Variants in F2 observed in about 807,000 individuals in gnomAD.
F2 encodes the protein prothrombin.
A neutral mutation model predicts 81.9 loss-of-function variants in F2; 34 were observed. The observed-to-expected ratio is 0.42, with a 90% CI of 0.32 to 0.55. The LOEUF (loss-of-function observed/expected upper bound fraction) is 0.55. Among genes scored for constraint, F2 ranks in the 20% least tolerant of loss-of-function variants. The pLI is 0.18. For missense variants in F2, 630 were observed against 833.4 expected (o/e 0.76, Z 3.00); for synonymous variants, 296 against 326.4 (o/e 0.91, Z 1.01).
chr11:46,722,195 G>A (rs1437018002), intron 4 of F2, among the ~76,000 whole-genome samples: 3 of 152,154 alleles, frequency 2.0e-5, no homozygotes, highest in Non-Finnish European at 2.9e-5. Context: ...TTCCTGCTAC[G>A]TGCCAGGCAC....
intron 9 of F2, 46 bp from the exon 10 acceptor site, chr11:46,727,950 A>G: frequency 6.4e-7 from 1 of 1,568,814 alleles, no homozygotes. Flanking sequence ...GTGTAGAGGC[A>G]GCCCCCTCAT....
At chr11:46,735,854 G>A (rs745406299) in intron 12 of F2, among the ~76,000 whole-genome samples, 4 of 149,562 alleles carry the variant, frequency 2.7e-5, no homozygotes, top group Non-Finnish European at 5.9e-5. Context: ...CCTGGGAGAC[G>A]GAGGTTGCAG....
chr11:46,726,659 C>T lies in F2; in HGVS notation c.1003+33C>T, dbSNP rs192142540. The T allele has an allele frequency of 6.3e-7, 1 of 1,596,312 alleles. No individual in the cohort carries two copies. Reference sequence around the variant, plus strand: ...AGTGGGCATCCGAGGGGATGCGGGGCTGCGGGGCTGGTGGCCAGGACTTGC... The same window carrying T: ...AGTGGGCATCCGAGGGGATGCGGGGTTGCGGGGCTGGTGGCCAGGACTTGC... On this transcript the variant is annotated intron_variant, in intron 8 of 13. Transcript: ENST00000311907. The surrounding 1 kb of genome is among the most constrained non-coding windows in gnomAD (Gnocchi z 5.9).
Position 46,728,861 on chromosome 11 carries a change from C to T in F2, c.1472+24C>T. 1 of 1,612,160 alleles carries T rather than the reference C, an allele frequency of 6.2e-7. No individual in the cohort carries two copies. Among genetic ancestry groups the T allele is most frequent in the Non-Finnish European group, 8.5e-7 (1 of 1,179,498 alleles). On this transcript the variant is annotated intron_variant, in intron 11 of 13. Coordinates refer to ENST00000311907, the MANE Select transcript of F2 (RefSeq NM_000506.5). The surrounding 1 kb of genome is among the most constrained non-coding windows in gnomAD (Gnocchi z 5.1). ...AGGTGGGCCACCAGATGCTTGTTAG[C>T]TGAGGGGCAGAAGCCAAGTTCTGGG...
rs911589715 is a variant in F2, at chr11:46,726,530, C to G, written c.907C>G (p.Leu303Val). ...EAVEEETGDGLDEDSDRAIEG... is the reference protein window; with the variant it reads ...EAVEEETGDGVDEDSDRAIEG... ...CGTGGAGGAGGAGACAGGAGATGGGCTGGATGAGGACTCAGACAGGGCCAT... is the reference window on the plus strand; with the variant it reads ...CGTGGAGGAGGAGACAGGAGATGGGGTGGATGAGGACTCAGACAGGGCCAT... The change falls in exon 8 of 14, where the codon CTG becomes GTG. Residue 303 changes from leucine (L) to valine (V), a missense_variant. Physicochemically the swap from Leu to Val is conservative, Grantham distance 32. Transcript: ENST00000311907. The surrounding 1 kb of genome is among the most constrained non-coding windows in gnomAD (Gnocchi z 5.9). The G allele has an allele frequency of 2.5e-6, 4 of 1,613,874 alleles. No homozygotes were observed. The highest frequency in any genetic ancestry group is 1.7e-5 in the Admixed American group (1 of 60,002).
intron 4 of F2, among the ~76,000 whole-genome samples, chr11:46,722,204 A>G (rs777003366): frequency 1.9e-4 from 29 of 152,214 alleles, no homozygotes; most frequent in Non-Finnish European, 3.5e-4. Flanking sequence ...CGTGCCAGGC[A>G]CTATATCAGG....
chr11:46,726,908 C>A lies in F2; in HGVS notation c.1130+71C>A. The A allele has an allele frequency of 1.9e-6, 3 of 1,605,158 alleles. No homozygotes were observed. The South Asian group carries it at 3.3e-5, about 18-fold the overall frequency. ...GTGCTGCTGGACCCCCACCCTCAGGCCCTGCCTGCAGGCCTGGGCTTTACA... is the reference window on the plus strand; with the variant it reads ...GTGCTGCTGGACCCCCACCCTCAGGACCTGCCTGCAGGCCTGGGCTTTACA... On this transcript the variant is annotated intron_variant, in intron 9 of 13. Coordinates refer to ENST00000311907, the MANE Select transcript of F2 (RefSeq NM_000506.5). This position sits in a 1 kb window ranked among gnomAD's most constrained non-coding sequence, Gnocchi z 5.9.
intron 12 of F2, among the ~76,000 whole-genome samples, chr11:46,737,545 A>C (rs2064951681): frequency 1.4e-5 from 2 of 146,230 alleles, no homozygotes; most frequent in African/African-American, 5.2e-5. Flanking sequence ...GGTTCACGCC[A>C]TCCTCCTGCC....
intron 4 of F2, among the ~76,000 whole-genome samples, chr11:46,721,139 G>C (rs2064833766): frequency 6.6e-6 from 1 of 152,096 alleles, no homozygotes; most frequent in African/African-American, 2.4e-5. Flanking sequence ...CCGCCTCCCG[G>C]GTTCAAGCAA....
chr11:46,719,823 C>A lies in F2; in HGVS notation c.201C>A (p.Tyr67Ter). Residue 67 changes from tyrosine (Y) to a stop codon, truncating the protein, a stop_gained, in exon 2 of 14, where the codon TAC becomes TAA. Coordinates refer to ENST00000311907, the MANE Select transcript of F2 (RefSeq NM_000506.5). LOFTEE classifies it high-confidence loss of function. This position sits in a 1 kb window ranked among gnomAD's most constrained non-coding sequence, Gnocchi z 4.7. ...AGTGCGTGGAGGAGACGTGCAGCTA[C>A]GAGGAGGCCTTCGAGGCTCTGGAGT... is the stretch of plus-strand genomic sequence containing the variant. ...ERECVEETCS[Y>*]EEAFEALESS... 6.3e-7 allele frequency: 1 copy of A among 1,588,080 alleles called. No individual in the cohort carries two copies. Among genetic ancestry groups the A allele is most frequent in the Non-Finnish European group, 8.6e-7 (1 of 1,168,062 alleles).
chr11:46,729,615 TG>T, intron 12 of F2, 54 bp downstream of exon 12: 3 of 1,588,048 alleles, frequency 1.9e-6, no homozygotes, highest in Non-Finnish European at 2.6e-6. Flanking sequence ...CTGGGAGAAC[TG>T]AGTTGTGCCT....
intron 12 of F2, among the ~76,000 whole-genome samples, chr11:46,733,279 C>T (rs1488344650): frequency 6.6e-6 from 1 of 152,230 alleles, no homozygotes; most frequent in East Asian, 1.9e-4. Context: ...GCTCAGCCCA[C>T]TGCAACCTCT....
rs924036852 is a variant in F2, at chr11:46,720,968, C to A, written c.316+128C>A. ...CCCAGCATCTGACATTGCTCCCATT[C>A]CTGGGGTCAAGATGTCTCTTTGTAC... On this transcript the variant is annotated intron_variant, in intron 4 of 13. Coordinates refer to ENST00000311907, the MANE Select transcript of F2 (RefSeq NM_000506.5). 7.4e-6 allele frequency: 7 copies of A among 944,402 alleles called. No homozygotes were observed. In the Admixed American group the frequency reaches 1.3e-4, roughly 17 times the overall value. 58.5% of individuals were successfully genotyped at this position (944,402 alleles called of 1,614,324 possible). A position where few individuals can be genotyped will look rare whatever the true frequency, so the allele number is the denominator to read the frequency against.
At chr11:46,738,397 T>G (rs1269617323) in intron 12 of F2, among the ~76,000 whole-genome samples, 2 of 152,212 alleles carry the variant, frequency 1.3e-5, no homozygotes, top group Admixed American at 1.3e-4. Context: ...CAACTATCAT[T>G]ATTATCCTCA....
At chr11:46,733,440 T>C (rs898680717) in intron 12 of F2, among the ~76,000 whole-genome samples, 1 of 152,114 alleles carries the variant, frequency 6.6e-6, no homozygotes, top group Non-Finnish European at 1.5e-5. Context: ...TGAGCTCAAG[T>C]GATCCATCCA....
At position 46,719,560 on chromosome 11, in the gene F2, C is replaced by A; in HGVS notation, c.80-142C>A. 1.7e-6 allele frequency: 2 copies of A among 1,171,248 alleles called. No individual in the cohort carries two copies. The highest frequency in any genetic ancestry group is 2.4e-6 in the Non-Finnish European group (2 of 823,426). The allele number at this position is 1,171,248 out of a possible 1,614,324, so 72.6% of individuals were successfully genotyped here. A position where few individuals can be genotyped will look rare whatever the true frequency, so the allele number is the denominator to read the frequency against. On this transcript the variant is annotated intron_variant, in intron 1 of 13. Coordinates refer to ENST00000311907, the MANE Select transcript of F2 (RefSeq NM_000506.5). This position sits in a 1 kb window ranked among gnomAD's most constrained non-coding sequence, Gnocchi z 4.7. ...GAGGGGCACAGGGGGCCACATTTAGCAGCCTTCCAGGCACTTCCACCAGCC... is the reference window on the plus strand; with the variant it reads ...GAGGGGCACAGGGGGCCACATTTAGAAGCCTTCCAGGCACTTCCACCAGCC...
intron 12 of F2, among the ~76,000 whole-genome samples, chr11:46,730,307 GATCA>G (rs981894118): frequency 2.9e-4 from 44 of 151,908 alleles, no homozygotes; most frequent in Admixed American, 2.0e-4. Flanking sequence ...TTGATCGATC[GATCA>G]ATCAATCAAT....
At position 46,719,948 on chromosome 11, in the gene F2, C is replaced by T. The variant is rs1043774209; in HGVS notation, c.240+86C>T. The T allele has an allele frequency of 2.7e-6, 4 of 1,495,352 alleles. No individual in the cohort carries two copies. The highest frequency in any genetic ancestry group is 2.8e-5 in the African/African-American group (2 of 72,216). The allele number at this position is 1,495,352 out of a possible 1,614,324, so 92.6% of individuals were successfully genotyped here. On this transcript the variant is annotated intron_variant, in intron 2 of 13. Transcript: ENST00000311907. This position sits in a 1 kb window ranked among gnomAD's most constrained non-coding sequence, Gnocchi z 4.7. ...CCACAGAGAAGCAAGCGAGGAACGC[C>T]ACAGCCCCTTCGCTGCTCACAGCCT...
chr11:46,720,305 C>A, intron 2 of F2: 1 of 615,556 alleles, frequency 1.6e-6, no homozygotes, highest in Non-Finnish European at 2.9e-6. Flanking sequence ...TCTCCCCCAG[C>A]CTCTTTCAGT....
Sources: allele counts gnomAD v4.1 joint callset (sites outside exome capture counted in the v4.1 genomes callset), GRCh38; gene constraint gnomAD v4.1.1; non-coding constraint Gnocchi (gnomAD v3.1); transcripts MANE v1.5; gene names NCBI Gene and HGNC (gene_info 2026-07-23, HGNC 2026-07-21).